The following SMOC2 variants were observed in gnomAD, a reference collection of about 807,000 sequenced individuals.
The protein encoded by SMOC2 is SPARC-related modular calcium-binding protein 2.
In SMOC2, 39 loss-of-function variants were observed where a neutral mutation model predicts 61.4. The ratio of observed to expected loss-of-function variants is 0.64; its 90% CI spans 0.49 to 0.83. The LOEUF is 0.83. Ranked by LOEUF, SMOC2 falls within the 40% of genes least tolerant of loss-of-function variation. The probability of loss-of-function intolerance (pLI) is 0.00; values close to 1 mark genes in which losing one functional copy is unlikely to be tolerated. For missense variants in SMOC2, 556 were observed against 592.9 expected (o/e 0.94, Z 0.65); for synonymous variants, 247 against 239.9 (o/e 1.03, Z -0.27).
intron 9 of SMOC2, among the ~76,000 whole-genome samples, chr6:168,619,426 A>G (rs1786189637): frequency 6.6e-6 from 1 of 152,236 alleles, no homozygotes. Context: ...CTCCAACACT[A>G]TCAAATATAT....
intron 4 of SMOC2, among the ~76,000 whole-genome samples, chr6:168,532,896 TC>T (rs1386047917): frequency 6.6e-6 from 1 of 152,208 alleles, no homozygotes; most frequent in East Asian, 1.9e-4. Context: ...ATCTTCCTGT[TC>T]CACCTGACAC....
intron 4 of SMOC2, among the ~76,000 whole-genome samples, chr6:168,537,848 G>C (rs966485556): frequency 6.6e-6 from 1 of 152,176 alleles, no homozygotes; most frequent in Non-Finnish European, 1.5e-5. Flanking sequence ...CTGGCCTGGA[G>C]TTCACCTCCC....
At chr6:168,586,377 G>T (rs1279388496) in intron 7 of SMOC2, among the ~76,000 whole-genome samples, 1 of 151,998 alleles carries the variant, frequency 6.6e-6, no homozygotes, top group Non-Finnish European at 1.5e-5. Flanking sequence ...CTAACATCTA[G>T]TCTAGATTAC....
At chr6:168,656,661 T>G (rs1787332728) in intron 11 of SMOC2, among the ~76,000 whole-genome samples, 2 of 151,956 alleles carry the variant, frequency 1.3e-5, no homozygotes, top group South Asian at 4.2e-4. Flanking sequence ...ATCGTCTGCC[T>G]CCTCTTCTCA....
intron 1 of SMOC2, among the ~76,000 whole-genome samples, chr6:168,463,308 T>C (rs1039023104): frequency 1.3e-5 from 2 of 152,166 alleles, no homozygotes; most frequent in Non-Finnish European, 2.9e-5. Flanking sequence ...AATCAAGGCG[T>C]TAGAAGATGA....
intron 9 of SMOC2, among the ~76,000 whole-genome samples, chr6:168,641,105 T>A (rs1388207561): frequency 6.6e-6 from 1 of 152,178 alleles, no homozygotes; most frequent in Non-Finnish European, 1.5e-5. Context: ...TCATGCCGAG[T>A]AACACTGAGA....
chr6:168,658,974 G>GTA (rs1179573242), intron 11 of SMOC2, among the ~76,000 whole-genome samples: 1 of 150,382 alleles, frequency 6.6e-6, no homozygotes, highest in East Asian at 2.0e-4. Flanking sequence ...TGGTGTGTGT[G>GTA]TATGGTGTGT....
At chr6:168,623,187 G>A (rs1027855851) in intron 9 of SMOC2, among the ~76,000 whole-genome samples, 10 of 152,276 alleles carry the variant, frequency 6.6e-5, no homozygotes, top group Admixed American at 5.2e-4. Flanking sequence ...GAAGATAGTA[G>A]AGATTGAGTC....
intron 7 of SMOC2, among the ~76,000 whole-genome samples, chr6:168,568,674 A>G (rs887020623): frequency 6.6e-6 from 1 of 151,998 alleles, no homozygotes; most frequent in African/African-American, 2.4e-5. Flanking sequence ...TCTGAGCTCC[A>G]CCTACCCATC....
chr6:168,619,653 C>T (rs991748025), intron 9 of SMOC2, among the ~76,000 whole-genome samples: 9 of 152,180 alleles, frequency 5.9e-5, no homozygotes, highest in African/African-American at 2.4e-5. Context: ...AAATTAAAAC[C>T]TCCTATAACG....
intron 9 of SMOC2, among the ~76,000 whole-genome samples, chr6:168,646,443 A>G (rs1421886885): frequency 6.6e-6 from 1 of 152,194 alleles, no homozygotes; most frequent in African/African-American, 2.4e-5. Flanking sequence ...GTGTCCAGAC[A>G]GGAGGCGACT....
At chr6:168,463,168 A>T (rs895344652) in intron 1 of SMOC2, among the ~76,000 whole-genome samples, 14 of 152,222 alleles carry the variant, frequency 9.2e-5, no homozygotes, top group African/African-American at 3.1e-4. Flanking sequence ...AAATGCACTG[A>T]ACAAAATGAA....
Position 168,581,407 on chromosome 6 carries a change from G to T in SMOC2, c.638-17411G>T, listed in dbSNP as rs775957048. ...CTGGAAACTTGTTAGACAAGAGGAC[G>T]AAGGAGCTTCGCCCAGACCTGCTGG... is the stretch of plus-strand genomic sequence containing the variant. On this transcript the variant is annotated intron_variant, in intron 7 of 12. Transcript: ENST00000356284. 2.4e-4 allele frequency among the ~76,000 whole-genome samples: 36 copies of T among 152,192 alleles called. 1 individual carries two copies. Among genetic ancestry groups the T allele is most frequent in the Admixed American group, 1.3e-3 (20 of 15,280 alleles).
At chr6:168,466,009 G>T (rs1280301448) in intron 1 of SMOC2, among the ~76,000 whole-genome samples, 8 of 109,548 alleles carry the variant, frequency 7.3e-5, no homozygotes, top group African/African-American at 2.9e-4. Context: ...CTGAGAGCTG[G>T]AACTGGGGGG....
intron 7 of SMOC2, among the ~76,000 whole-genome samples, chr6:168,571,227 TA>T (rs1206344751): frequency 1.3e-5 from 2 of 152,250 alleles, no homozygotes; most frequent in Admixed American, 6.5e-5. Flanking sequence ...TTGTAGGAGA[TA>T]TTAACAAGCA....
chr6:168,508,302 G>A (rs1045901394), intron 1 of SMOC2, among the ~76,000 whole-genome samples: 3 of 152,120 alleles, frequency 2.0e-5, no homozygotes, highest in Non-Finnish European at 4.4e-5. Flanking sequence ...CAAGGTCACC[G>A]TAGTTCCTGC....
chr6:168,536,188 C>T (rs954603314), intron 4 of SMOC2, among the ~76,000 whole-genome samples: 2 of 151,698 alleles, frequency 1.3e-5, no homozygotes, highest in African/African-American at 4.9e-5. Context: ...TGAGGGGCCT[C>T]ACTCCAGAGG....
chr6:168,584,795 G>A (rs1009787816), intron 7 of SMOC2, among the ~76,000 whole-genome samples: 2 of 152,098 alleles, frequency 1.3e-5, no homozygotes, highest in East Asian at 3.9e-4. Context: ...ATGCACAGAC[G>A]GCCGTGCACG....
At chr6:168,467,192 G>A (rs866048574) in intron 1 of SMOC2, among the ~76,000 whole-genome samples, 112 of 141,234 alleles carry the variant, frequency 7.9e-4, no homozygotes, top group African/African-American at 2.9e-3. Flanking sequence ...CGTTTATTTC[G>A]AGACAGGGTC....
Sources: allele counts gnomAD v4.1 joint callset (sites outside exome capture counted in the v4.1 genomes callset), GRCh38; gene constraint gnomAD v4.1.1; transcripts MANE v1.5; gene names NCBI Gene and HGNC (gene_info 2026-07-23, HGNC 2026-07-21).